The following GARNL3 variants were observed in gnomAD, a reference collection of about 807,000 sequenced individuals.
GARNL3 encodes GTPase-activating Rap/Ran-GAP domain-like protein 3.
In GARNL3, 63 loss-of-function variants were observed where a neutral mutation model predicts 125.0. The observed-to-expected ratio is 0.50, with a 90% confidence interval of 0.41 to 0.62. The LOEUF is 0.62. GARNL3 is among the 20% of genes least tolerant of loss of function. The probability of loss-of-function intolerance (pLI) is 0.00; values close to 1 mark genes in which losing one functional copy is unlikely to be tolerated. For synonymous variants in GARNL3, 439 were observed against 457.5 expected (o/e 0.96, Z 0.52); for missense variants, 994 against 1,244.0 (o/e 0.80, Z 3.02).
intron 16 of GARNL3, among the ~76,000 whole-genome samples, chr9:127,348,273 G>T (rs1228852889): frequency 6.6e-6 from 1 of 152,170 alleles, no homozygotes; most frequent in Non-Finnish European, 1.5e-5. Context: ...ACACATCCAC[G>T]TGTGGCTCTA....
In GARNL3 at chr9:127,388,110, C is replaced by T. The variant is rs901434464; in HGVS notation, c.2527+779C>T. Among the ~76,000 whole-genome samples the T allele has an allele frequency of 9.2e-5, 14 of 152,146 alleles. No homozygotes were observed. In the East Asian group the frequency reaches 2.7e-3, roughly 29 times the overall value. ...GCATTGAGCCGGGATTGCACCTCTG[C>T]ACTCCAGCCTGGGCAACAGAGTGAG... On this transcript the variant is annotated intron_variant, in intron 25 of 27. Coordinates refer to ENST00000373387, the MANE Select transcript of GARNL3 (RefSeq NM_032293.5).
intron 2 of GARNL3, among the ~76,000 whole-genome samples, chr9:127,310,980 A>G (rs1354440250): frequency 6.6e-6 from 1 of 152,126 alleles, no homozygotes; most frequent in Non-Finnish European, 1.5e-5. Context: ...GAATTATCCT[A>G]AAGAAATAAT....
At chr9:127,246,772 A>C (rs754742206) in intron 2 of GARNL3, among the ~76,000 whole-genome samples, 27 of 151,996 alleles carry the variant, frequency 1.8e-4, no homozygotes, top group South Asian at 4.1e-4. Flanking sequence ...GCATCACAGC[A>C]CTCCAGCCTG....
At chr9:127,291,065 A>C (rs1588770219) in intron 1 of GARNL3, 103 bp from the exon 2 acceptor site, 2 of 1,158,020 alleles carry the variant, frequency 1.7e-6, no homozygotes, top group East Asian at 4.7e-5. Context: ...TAGGCTGGGC[A>C]CTCCAGCCTG....
At chr9:127,300,685 C>T (rs1304052083) in intron 2 of GARNL3, 1 of 295,514 alleles carries the variant, frequency 3.4e-6, no homozygotes, top group Non-Finnish European at 6.4e-6. Flanking sequence ...GAACTCCTGA[C>T]CTCAAGTGAT....
intron 22 of GARNL3, among the ~76,000 whole-genome samples, chr9:127,367,790 G>A (rs1831363341): frequency 6.6e-6 from 1 of 152,086 alleles, no homozygotes; most frequent in Non-Finnish European, 1.5e-5. Context: ...TGTTTTTGAT[G>A]CGATCATATT....
intron 1 of GARNL3, among the ~76,000 whole-genome samples, chr9:127,279,530 G>A (rs1302727180): frequency 2.0e-5 from 3 of 152,186 alleles, no homozygotes; most frequent in African/African-American, 7.2e-5. Flanking sequence ...TCCTCCTCCA[G>A]TGAAGATTTT....
At position 127,393,308 on chromosome 9, in the gene GARNL3, T is replaced by C; in HGVS notation, c.*54T>C. On this transcript the variant is annotated 3_prime_UTR_variant, in exon 28 of 28. Transcript: ENST00000373387. ...GTTTTCTTATGGAGGTTTATACTCT[T>C]TAAACAGTTCTGATGTAATTTCTCA... 2 of 1,500,004 alleles carry C rather than the reference T, an allele frequency of 1.3e-6. No homozygotes were observed. The highest frequency in any genetic ancestry group is 1.8e-6 in the Non-Finnish European group (2 of 1,087,588). 92.9% of individuals were successfully genotyped at this position (1,500,004 alleles called of 1,614,324 possible).
intron 7 of GARNL3, 103 bp downstream of exon 7, chr9:127,325,198 C>A: frequency 8.7e-7 from 1 of 1,148,362 alleles, no homozygotes; most frequent in Non-Finnish European, 1.3e-6. Flanking sequence ...GCCAAATCTC[C>A]ATGTAGATTT....
chr9:127,388,293 G>A (rs1004862114), intron 25 of GARNL3: 2 of 149,792 alleles, frequency 1.3e-5, no homozygotes, highest in African/African-American at 5.0e-5. Flanking sequence ...TCCAGCCTGA[G>A]CGACAGAACA....
rs1202119936 is a variant in GARNL3, at chr9:127,266,264, T to G, written c.144+1243T>G. On this transcript the variant is annotated intron_variant, in intron 1 of 27. Coordinates refer to ENST00000373387, the MANE Select transcript of GARNL3 (RefSeq NM_032293.5). The surrounding 1 kb of genome is among the most constrained non-coding windows in gnomAD (Gnocchi z 4.0). ...AGGGATCACCCATTCTGGCCAGGGG[T>G]CTCAGAGACACACCATGGAAGACCT... Among the ~76,000 whole-genome samples the G allele has an allele frequency of 6.6e-6, 1 of 151,940 alleles. No individual in the cohort carries two copies. Among genetic ancestry groups the G allele is most frequent in the African/African-American group, 2.4e-5 (1 of 41,362 alleles).
intron 2 of GARNL3, among the ~76,000 whole-genome samples, chr9:127,256,427 G>A (rs2063496419): frequency 1.3e-5 from 2 of 152,154 alleles, no homozygotes; most frequent in Admixed American, 6.5e-5. Context: ...ATAAAAAGAG[G>A]CTGTTTTACA....
chr9:127,375,078 A>G (rs975611657), intron 22 of GARNL3, among the ~76,000 whole-genome samples: 1 of 152,240 alleles, frequency 6.6e-6, no homozygotes, highest in African/African-American at 2.4e-5. Flanking sequence ...GTAAATTGGT[A>G]TAATCACTTT....
At chr9:127,289,959 G>C (rs2064366064) in intron 1 of GARNL3, among the ~76,000 whole-genome samples, 1 of 152,150 alleles carries the variant, frequency 6.6e-6, no homozygotes, top group Non-Finnish European at 1.5e-5. Context: ...GGTTAGGGAG[G>C]GTGGTGGTTA....
chr9:127,243,223 C>T (rs1262758170), exon 2 of GARNL3: 1 of 1,366,582 alleles, frequency 7.3e-7, no homozygotes. Flanking sequence ...CAACGAAAGA[C>T]CCTGAACTAG....
intron 2 of GARNL3, chr9:127,245,487 C>G (rs992857523): frequency 6.6e-6 from 1 of 152,274 alleles, no homozygotes; most frequent in African/African-American, 2.4e-5. Context: ...GTGGCCTCAC[C>G]CGCTGATCTC....
At chr9:127,297,878 A>G (rs749781664) in intron 2 of GARNL3, among the ~76,000 whole-genome samples, 5 of 152,204 alleles carry the variant, frequency 3.3e-5, no homozygotes, top group Non-Finnish European at 7.3e-5. Flanking sequence ...CTTCTTTTCA[A>G]TTTGCAGCAC....
In GARNL3 at chr9:127,345,216, C is replaced by G. The variant is rs1043044389; in HGVS notation, c.1357-187C>G. Among the ~76,000 whole-genome samples, 4 of 152,154 alleles carry G rather than the reference C, an allele frequency of 2.6e-5. No homozygotes were observed. In the South Asian group the frequency reaches 8.3e-4, roughly 32 times the overall value. On this transcript the variant is annotated intron_variant, in intron 15 of 27. Transcript: ENST00000373387. Reference sequence around the variant, plus strand: ...AAATGCATTTGGATAATTTGGGTTGCGACATTGTCATTAAGGCTTCACTGT... The same window carrying G: ...AAATGCATTTGGATAATTTGGGTTGGGACATTGTCATTAAGGCTTCACTGT...
chr9:127,294,318 C>T (rs530054291), intron 2 of GARNL3, among the ~76,000 whole-genome samples: 23 of 152,202 alleles, frequency 1.5e-4, no homozygotes, highest in African/African-American at 5.5e-4. Context: ...CCCCTCCCCC[C>T]GGCCAAGACA....
Sources: allele counts gnomAD v4.1 joint callset (sites outside exome capture counted in the v4.1 genomes callset), GRCh38; gene constraint gnomAD v4.1.1; non-coding constraint Gnocchi (gnomAD v3.1); transcripts MANE v1.5; gene names NCBI Gene and HGNC (gene_info 2026-07-23, HGNC 2026-07-21).